Variants in SEL1L2 observed in about 807,000 individuals in gnomAD.
SEL1L2 encodes the protein protein sel-1 homolog 2.
Under a neutral mutation model 98.8 loss-of-function variants are expected in SEL1L2, and 89 were observed. The ratio of observed to expected loss-of-function variants is 0.90; its 90% confidence interval spans 0.76 to 1.07. The LOEUF is 1.07. Among genes scored for constraint, SEL1L2 ranks in the 50% least tolerant of loss-of-function variants. The pLI is 0.00. For synonymous variants in SEL1L2, 262 were observed against 278.5 expected, an observed-to-expected ratio of 0.94 and a Z score of 0.59; for missense variants, 788 against 812.0, an observed-to-expected ratio of 0.97 and a Z score of 0.36.
At chr20:13,858,469 C>G (rs1313432991) in intron 18 of SEL1L2, among the ~76,000 whole-genome samples, 1 of 152,160 alleles carries the variant, frequency 6.6e-6, no homozygotes, top group Non-Finnish European at 1.5e-5. Context: ...AACCTCTCTG[C>G]GCTGTGGCTT....
At position 13,862,703 on chromosome 20, in the gene SEL1L2, T is replaced by A. The variant is rs536248644; in HGVS notation, c.1645+2464A>T. Among the ~76,000 whole-genome samples, 61 of 151,912 alleles carry A rather than the reference T, an allele frequency of 4.0e-4. No individual in the cohort carries two copies. In the South Asian group the frequency reaches 6.7e-3, roughly 17 times the overall value. On this transcript the variant is annotated intron_variant, in intron 17 of 19. Transcript: ENST00000284951. ...ATTATTATTTATTATTATTATTATT[T>A]TTGAGACAGAATCTCACTCTGTTGC...
chr20:13,991,165 C>T (rs908306635), upstream of SEL1L2, among the ~76,000 whole-genome samples: 4 of 152,002 alleles, frequency 2.6e-5, no homozygotes, highest in African/African-American at 7.3e-5. Flanking sequence ...TTCAAAGCTA[C>T]GAGAAATCAA....
intron 5 of SEL1L2, chr20:13,913,577 T>C: frequency 2.5e-6 from 1 of 407,010 alleles, no homozygotes; most frequent in Non-Finnish European, 4.3e-6. Flanking sequence ...GGTGAATACA[T>C]TTTATATAAA....
In SEL1L2 at chr20:13,869,603, TAC is replaced by T. The variant is rs2046088812; in HGVS notation, c.1168-15_1168-14del. ...CTTCGGCATAATTCTGCAAGATAAT[TAC>T]ACTCTATTACTCAAAGGCACAAGTA... On this transcript the variant is annotated splice_polypyrimidine_tract_variant and intron_variant, in intron 13 of 19. Coordinates refer to ENST00000284951, the MANE Select transcript of SEL1L2 (RefSeq NM_025229.2). 1.2e-6 allele frequency: 2 copies of T among 1,600,338 alleles called. No individual in the cohort carries two copies. Among genetic ancestry groups the T allele is most frequent in the South Asian group, 1.1e-5 (1 of 90,806 alleles).
intron 5 of SEL1L2, among the ~76,000 whole-genome samples, chr20:13,907,658 TG>T (rs1430236234): frequency 6.6e-6 from 1 of 152,138 alleles, no homozygotes; most frequent in East Asian, 1.9e-4. Context: ...GGCAATACAA[TG>T]CAAATGAGTA....
chr20:13,871,462 G>A (rs961739057), intron 12 of SEL1L2, among the ~76,000 whole-genome samples: 8 of 151,596 alleles, frequency 5.3e-5, no homozygotes, highest in African/African-American at 1.9e-4. Context: ...GTCCTATCAC[G>A]CATTTCACCC....
chr20:13,983,153 G>A (rs190255681), intron 1 of SEL1L2, among the ~76,000 whole-genome samples: 1 of 151,046 alleles, frequency 6.6e-6, no homozygotes, highest in East Asian at 2.0e-4. Context: ...GGGATGGACT[G>A]TTCATTCCTT....
intron 5 of SEL1L2, among the ~76,000 whole-genome samples, chr20:13,896,480 C>T (rs1191434152): frequency 6.7e-6 from 1 of 149,806 alleles, no homozygotes; most frequent in Non-Finnish European, 1.5e-5. Context: ...AAAACAAAAA[C>T]AAAAACAAAC....
At chr20:13,933,217 A>C (rs6135025) in intron 2 of SEL1L2, among the ~76,000 whole-genome samples, 18,497 of 152,138 alleles carry the variant, frequency 0.12, 1,248 homozygotes, top group Admixed American at 0.18. Flanking sequence ...AAAATAAAAT[A>C]AAATAAAAAA....
intron 1 of SEL1L2, among the ~76,000 whole-genome samples, chr20:13,983,216 C>T (rs996463803): frequency 5.3e-5 from 8 of 151,864 alleles, no homozygotes; most frequent in Non-Finnish European, 4.4e-5. Context: ...AGGGAAATAA[C>T]TCAGTAACTT....
intron 2 of SEL1L2, among the ~76,000 whole-genome samples, chr20:13,932,227 G>C (rs2049176246): frequency 6.6e-6 from 1 of 152,104 alleles, no homozygotes; most frequent in African/African-American, 2.4e-5. Context: ...CTTTTCAGAA[G>C]TTATATAATT....
chr20:13,923,756 T>C (rs1050591931), intron 3 of SEL1L2, among the ~76,000 whole-genome samples: 1 of 152,106 alleles, frequency 6.6e-6, no homozygotes, highest in African/African-American at 2.4e-5. Flanking sequence ...TCTTCCTCAA[T>C]AAAAACAAAA....
At chr20:13,986,741 T>G (rs530861491) in intron 1 of SEL1L2, among the ~76,000 whole-genome samples, 15 of 152,260 alleles carry the variant, frequency 9.9e-5, no homozygotes, top group Non-Finnish European at 1.6e-4. Flanking sequence ...TGTGTGAATA[T>G]TATGTTTTCA....
In SEL1L2 at chr20:13,849,436, C is replaced by G. The variant is rs756209865; in HGVS notation, c.*49G>C. The G allele has an allele frequency of 6.2e-7, 1 of 1,603,388 alleles. No individual in the cohort carries two copies. The highest frequency in any genetic ancestry group is 1.7e-5 in the Admixed American group (1 of 59,452). ...GGAAACTGTTTATTTAGTGGGGATA[C>G]CTTGGAGTGAACTGATTCCCGTGAG... On this transcript the variant is annotated 3_prime_UTR_variant, in exon 20 of 20. Transcript: ENST00000284951.
rs747644853 is a variant in SEL1L2 at position 13,859,309 on chromosome 20, T to C, written c.1771A>G (p.Met591Val). The C allele has an allele frequency of 1.9e-6, 3 of 1,614,062 alleles. No homozygotes were observed. Among genetic ancestry groups the C allele is most frequent in the African/African-American group, 1.3e-5 (1 of 74,946 alleles). ...AANKYHNAQA[M>V]FNLAYMYEHG... is the part of the protein sequence containing the mutation. ...TCATACATATAAGCCAGATTGAACA[T>C]GGCTTGCGCGTTGTGGTATTTGTTG... Residue 591 changes from methionine (M) to valine (V), a missense_variant, in exon 18 of 20, where the codon ATG becomes GTG. Met to Val is a conservative substitution (Grantham distance 21). Coordinates refer to ENST00000284951, the MANE Select transcript of SEL1L2 (RefSeq NM_025229.2).
intron 18 of SEL1L2, among the ~76,000 whole-genome samples, chr20:13,853,846 C>A (rs1022889608): frequency 6.6e-6 from 1 of 152,166 alleles, no homozygotes; most frequent in Admixed American, 6.5e-5. Flanking sequence ...TATAACATGG[C>A]TTCTATTTTG....
chr20:13,859,487 G>A (rs1305920501), intron 17 of SEL1L2, 53 bp from the exon 18 acceptor site: 2 of 1,466,328 alleles, frequency 1.4e-6, no homozygotes, highest in African/African-American at 1.4e-5. Context: ...TTCATGTATA[G>A]TTCTCAGGAA....
intron 1 of SEL1L2, among the ~76,000 whole-genome samples, chr20:13,984,650 CTCTT>C (rs1270268690): frequency 4.6e-5 from 7 of 152,192 alleles, no homozygotes; most frequent in East Asian, 1.9e-4. Context: ...CAAAGTCTCT[CTCTT>C]TCTTTCTCTC....
At chr20:13,983,038 A>AAAAAAAAAAAG in intron 1 of SEL1L2, among the ~76,000 whole-genome samples, 2 of 141,912 alleles carry the variant, frequency 1.4e-5, no homozygotes, top group Non-Finnish European at 3.1e-5. Flanking sequence ...AAAAAAAAAA[A>AAAAAAAAAAAG]AAAAAAAAAA....
Sources: gnomAD v4.1 joint callset for allele counts (sites outside exome capture counted in the v4.1 genomes callset) on GRCh38, gnomAD v4.1.1 for gene constraint, MANE v1.5 for transcripts, NCBI Gene and HGNC (gene_info 2026-07-23, HGNC 2026-07-21) for gene names.